Variants in RETN observed in about 807,000 individuals in gnomAD.
RETN encodes the protein resistin.
RETN carries 5 observed loss-of-function variants against 6.1 expected under a neutral mutation model. That is an observed-to-expected ratio of 0.82 (90% CI 0.43 to 1.73). The LOEUF is 1.73. Among genes scored for constraint, RETN ranks in the 40% most tolerant of loss-of-function variants. The pLI is 0.02. For synonymous variants in RETN, 62 were observed against 59.2 expected, an observed-to-expected ratio of 1.05 and a Z score of -0.22; for missense variants, 168 against 142.5, an observed-to-expected ratio of 1.18 and a Z score of -0.91.
chr19:7,669,294 G>T, intron 1 of RETN, 23 bp from the exon 2 acceptor site: 1 of 1,529,848 alleles, frequency 6.5e-7, no homozygotes, highest in Non-Finnish European at 9.1e-7. Context: ...TCCAGCTGTG[G>T]GTCTCTTGGT....
At chr19:7,669,545 C>G (rs1477543685) in intron 2 of RETN, 101 bp downstream of exon 2, 1 of 882,200 alleles carries the variant, frequency 1.1e-6, no homozygotes, top group Admixed American at 1.7e-5. Flanking sequence ...CTCACCAAAT[C>G]TCATCCTCAA....
Position 7,669,361 on chromosome 19 carries a change from T to A in RETN, c.35T>A (p.Leu12Gln). 6.2e-7 allele frequency: 1 copy of A among 1,613,982 alleles called. No individual in the cohort carries two copies. Among genetic ancestry groups the A allele is most frequent in the Non-Finnish European group, 8.5e-7 (1 of 1,179,940 alleles). Residue 12 changes from leucine (L) to glutamine (Q), a missense_variant, in exon 2 of 4, where the codon CTG becomes CAG. Coordinates refer to ENST00000221515, the MANE Select transcript of RETN (RefSeq NM_020415.4). Reference sequence around the variant, plus strand: ...CTCTGTCTCCTCCTCCTCCCTGTCCTGGGGCTGTTGGTGTCTAGCAAGACC... The same window carrying A: ...CTCTGTCTCCTCCTCCTCCCTGTCCAGGGGCTGTTGGTGTCTAGCAAGACC... The part of the protein sequence containing the change: ...KALCLLLLPV[L>Q]GLLVSSKTLC...
At chr19:7,669,697 C>T (rs1304277873) in intron 2 of RETN, 124 bp from the exon 3 acceptor site, 19 of 854,544 alleles carry the variant, frequency 2.2e-5, no homozygotes, top group Middle Eastern at 2.4e-4. Flanking sequence ...AGACAGGGTC[C>T]TGGAGGCCAG....
Position 7,669,748 on chromosome 19 carries a change from G to A in RETN, c.119-73G>A, listed in dbSNP as rs1599417988. 17 of 1,387,568 alleles carry A rather than the reference G, an allele frequency of 1.2e-5. No homozygotes were observed. In the East Asian group the frequency reaches 3.9e-4, roughly 32 times the overall value. The allele number at this position is 1,387,568 out of a possible 1,614,324, so 86.0% of individuals were successfully genotyped here. A position where few individuals can be genotyped will look rare whatever the true frequency, so the allele number is the denominator to read the frequency against. The stretch of plus-strand genomic sequence containing the variant: ...ACAGGGACCTAGCTCCAAACCAACA[G>A]GGCTAGGGGAGGATGGGGGAGGGAC... On this transcript the variant is annotated intron_variant, in intron 2 of 3. Coordinates refer to ENST00000221515, the MANE Select transcript of RETN (RefSeq NM_020415.4).
intron 2 of RETN, among the ~76,000 whole-genome samples, 167 bp from the exon 3 acceptor site, chr19:7,669,654 C>T (rs1476549222): frequency 1.3e-5 from 2 of 152,110 alleles, no homozygotes; most frequent in African/African-American, 4.8e-5. Flanking sequence ...GCTCTCACTC[C>T]AAACCTTCCC....
chr19:7,669,732 T>C, intron 2 of RETN, 89 bp from the exon 3 acceptor site: 1 of 1,212,318 alleles, frequency 8.2e-7, no homozygotes, highest in Non-Finnish European at 1.2e-6. Context: ...CACAGGGACC[T>C]AGCTCCAAAC....
intron 2 of RETN, 106 bp downstream of exon 2, chr19:7,669,550 C>T: frequency 1.2e-6 from 1 of 855,978 alleles, no homozygotes. Flanking sequence ...CAAATCTCAT[C>T]CTCAAATCCA....
chr19:7,670,454 GATGAT>G, exon 4 of RETN: 1 of 1,270,162 alleles, frequency 7.9e-7, no homozygotes, highest in Non-Finnish European at 1.1e-6. Flanking sequence ...TGATGATGAT[GATGAT>G]GATGGAGCGG....
At chr19:7,670,122 CCG>C in intron 3 of RETN, 95 bp from the exon 4 acceptor site, 1 of 537,142 alleles carries the variant, frequency 1.9e-6, no homozygotes, top group Non-Finnish European at 3.4e-6. Flanking sequence ...GTCCCCACCC[CCG>C]CCCCCCCAAC....
chr19:7,669,121 G>A lies in RETN; in HGVS notation c.-11G>A. 3.5e-6 allele frequency: 2 copies of A among 572,632 alleles called. No homozygotes were observed. The highest frequency in any genetic ancestry group is 2.0e-5 in the South Asian group (1 of 49,386). 35.5% of individuals were successfully genotyped at this position (572,632 alleles called of 1,614,324 possible). On this transcript the variant is annotated splice_region_variant and 5_prime_UTR_variant, in exon 1 of 4. Coordinates refer to ENST00000221515, the MANE Select transcript of RETN (RefSeq NM_020415.4). Reference sequence around the variant, plus strand: ...TTTGGTTAGCTGAGCCCACCGAGAGGGTAAGTGACAGCTGCTCCTGCGCTT... The same window carrying A: ...TTTGGTTAGCTGAGCCCACCGAGAGAGTAAGTGACAGCTGCTCCTGCGCTT...
At chr19:7,669,971 C>T in intron 3 of RETN, 73 bp downstream of exon 3, 2 of 1,191,650 alleles carry the variant, frequency 1.7e-6, no homozygotes, top group Non-Finnish European at 2.5e-6. Flanking sequence ...CTCCCCGCCA[C>T]GTTCCCCGTG....
At chr19:7,669,700 G>T in intron 2 of RETN, 121 bp from the exon 3 acceptor site, 1 of 862,606 alleles carries the variant, frequency 1.2e-6, no homozygotes. Flanking sequence ...CAGGGTCCTG[G>T]AGGCCAGTGA....
At chr19:7,670,113 T>TGCCCCCCCCC in intron 3 of RETN, 106 bp from the exon 4 acceptor site, 2 of 465,518 alleles carry the variant, frequency 4.3e-6, no homozygotes, top group East Asian at 4.1e-5. Context: ...GCCGTCCCCG[T>TGCCCCCCCCC]CCCCACCCCC....
intron 2 of RETN, 109 bp from the exon 3 acceptor site, chr19:7,669,712 C>A: frequency 1.0e-6 from 1 of 960,774 alleles, no homozygotes; most frequent in South Asian, 1.3e-5. Context: ...GGCCAGTGAG[C>A]TCCTATGCCC....
At position 7,670,366 on chromosome 19, in the gene RETN, T is replaced by A. The variant is rs1447615626; in HGVS notation, c.*17T>A. The stretch of plus-strand genomic sequence containing the variant: ...CAGCCCTGAGGTCGCGCGCAGCGCG[T>A]GCACAGCGCGGGCGGAGGCGGCTCC... On this transcript the variant is annotated 3_prime_UTR_variant, in exon 4 of 4. Coordinates refer to ENST00000221515, the MANE Select transcript of RETN (RefSeq NM_020415.4). The A allele has an allele frequency of 1.5e-5, 23 of 1,539,546 alleles. No individual in the cohort carries two copies. The highest frequency in any genetic ancestry group is 2.0e-5 in the Non-Finnish European group (23 of 1,146,456).
Position 7,669,353 on chromosome 19 carries a change from C to T in RETN, c.27C>T (p.Leu9=). MKALCLLL[L]PVLGLLVSSK... ...TGAAAGCTCTCTGTCTCCTCCTCCT[C>T]CCTGTCCTGGGGCTGTTGGTGTCTA... Residue 9 remains leucine, a synonymous_variant, in exon 2 of 4, where the codon CTC becomes CTT. Coordinates refer to ENST00000221515, the MANE Select transcript of RETN (RefSeq NM_020415.4). 1.9e-6 allele frequency: 3 copies of T among 1,613,956 alleles called. No individual in the cohort carries two copies. The highest frequency in any genetic ancestry group is 2.5e-6 in the Non-Finnish European group (3 of 1,179,926).
In RETN at chr19:7,670,362, C is replaced by A; in HGVS notation, c.*13C>A. On this transcript the variant is annotated 3_prime_UTR_variant, in exon 4 of 4. Transcript: ENST00000221515. ...TGTGCAGCCCTGAGGTCGCGCGCAG[C>A]GCGTGCACAGCGCGGGCGGAGGCGG... 1 of 1,541,388 alleles carries A rather than the reference C, an allele frequency of 6.5e-7. No individual in the cohort carries two copies. The highest frequency in any genetic ancestry group is 8.7e-7 in the Non-Finnish European group (1 of 1,147,326).
Position 7,669,891 on chromosome 19 carries a change from CCCCCG to C in RETN, c.190_194del (p.Pro64ArgfsTer?). The C allele has an allele frequency of 6.2e-7, 1 of 1,613,770 alleles. No homozygotes were observed. Among genetic ancestry groups the C allele is most frequent in the Non-Finnish European group, 8.5e-7 (1 of 1,179,768 alleles). On this transcript the variant is annotated frameshift_variant and splice_region_variant, in exon 3 of 4. Transcript: ENST00000221515. LOFTEE classifies it low-confidence loss of function (END_TRUNC). Reference sequence around the variant, plus strand: ...CCTCCAGGGGGGACCTGGCTACTTGCCCCCGAGGTGAGTGCAGGAGACTGTTGTCC... The same window carrying C: ...CCTCCAGGGGGGACCTGGCTACTTGCAGGTGAGTGCAGGAGACTGTTGTCC...
Position 7,669,374 on chromosome 19 carries a change from G to A in RETN, c.48G>A (p.Val16=). The change falls in exon 2 of 4, where the codon GTG becomes GTA. Residue 16 remains valine (V), a synonymous_variant. Coordinates refer to ENST00000221515, the MANE Select transcript of RETN (RefSeq NM_020415.4). ...TCCTCCCTGTCCTGGGGCTGTTGGT[G>A]TCTAGCAAGACCCTGTGCTCCATGG... ...LLLLPVLGLL[V]SSKTLCSMEE... The A allele has an allele frequency of 1.9e-6, 3 of 1,613,994 alleles. No individual in the cohort carries two copies. Among genetic ancestry groups the A allele is most frequent in the Non-Finnish European group, 2.5e-6 (3 of 1,179,968 alleles).
Sources: allele counts gnomAD v4.1 joint callset (sites outside exome capture counted in the v4.1 genomes callset), GRCh38; gene constraint gnomAD v4.1.1; transcripts MANE v1.5; gene names NCBI Gene and HGNC (gene_info 2026-07-23, HGNC 2026-07-21).